Variants in ZNHIT6 observed in about 807,000 individuals in gnomAD.
The protein encoded by ZNHIT6 is zinc finger HIT-type containing 6.
ZNHIT6 carries 45 observed loss-of-function variants against 57.2 expected under a neutral mutation model. That is an observed-to-expected ratio of 0.79 (90% confidence interval 0.62 to 1.01). The LOEUF is 1.01. Among genes scored for constraint, ZNHIT6 ranks in the 50% least tolerant of loss-of-function variants. The pLI, the probability that ZNHIT6 is intolerant of heterozygous loss-of-function variation, is 0.00. For synonymous variants in ZNHIT6, 188 were observed against 190.0 expected, an observed-to-expected ratio of 0.99 and a Z score of 0.09; for missense variants, 528 against 567.3, an observed-to-expected ratio of 0.93 and a Z score of 0.70.
At chr1:85,655,019 C>T (rs1422405765) in intron 9 of ZNHIT6, among the ~76,000 whole-genome samples, 1 of 152,138 alleles carries the variant, frequency 6.6e-6, no homozygotes, top group Non-Finnish European at 1.5e-5. Context: ...TGCTGTTGTA[C>T]CTAGACTTCA....
intron 5 of ZNHIT6, among the ~76,000 whole-genome samples, chr1:85,691,969 G>C (rs1662234427): frequency 6.6e-6 from 1 of 151,422 alleles, no homozygotes; most frequent in Non-Finnish European, 1.5e-5. Context: ...AGGAGTTCAA[G>C]ACCAGCCTGG....
chr1:85,685,378 A>C (rs1661999330), intron 5 of ZNHIT6, among the ~76,000 whole-genome samples: 1 of 152,222 alleles, frequency 6.6e-6, no homozygotes, highest in Non-Finnish European at 1.5e-5. Flanking sequence ...AACTTTATGT[A>C]CTGATGTAGA....
At chr1:85,667,961 A>AAAAAAAAAAAAAATATATATATATAT in intron 8 of ZNHIT6, among the ~76,000 whole-genome samples, 1 of 18,202 alleles carries the variant, frequency 5.5e-5, no homozygotes, top group East Asian at 1.7e-3. Flanking sequence ...AAAAAAAAAA[A>AAAAAAAAAAAAAATATATATATATAT]ATATATATAT....
chr1:85,680,699 T>A, intron 6 of ZNHIT6, 137 bp downstream of exon 6: 1 of 557,592 alleles, frequency 1.8e-6, no homozygotes, highest in Non-Finnish European at 3.0e-6. Flanking sequence ...TCATTTTTAG[T>A]GATGTTTAGC....
chr1:85,674,111 A>T (rs1267743686), intron 8 of ZNHIT6, among the ~76,000 whole-genome samples: 4 of 152,164 alleles, frequency 2.6e-5, no homozygotes, highest in African/African-American at 7.2e-5. Context: ...CTCAAGGCTA[A>T]ACAGAATGGC....
chr1:85,658,555 G>A (rs2100647129), intron 8 of ZNHIT6, among the ~76,000 whole-genome samples: 1 of 150,218 alleles, frequency 6.7e-6, no homozygotes, highest in South Asian at 2.3e-4. Context: ...TTCATACCAA[G>A]AAATAGTTAA....
intron 4 of ZNHIT6, among the ~76,000 whole-genome samples, chr1:85,704,041 G>A (rs1662611919): frequency 6.6e-6 from 1 of 152,086 alleles, no homozygotes; most frequent in Non-Finnish European, 1.5e-5. Flanking sequence ...ATCTCATCAG[G>A]AATTAAAGAA....
Position 85,691,785 on chromosome 1 carries a change from C to A in ZNHIT6, c.1019+10372G>T, listed in dbSNP as rs553586727. On this transcript the variant is annotated intron_variant, in intron 5 of 9. Coordinates refer to ENST00000370574, the MANE Select transcript of ZNHIT6 (RefSeq NM_017953.4). Reference sequence around the variant, plus strand: ...CCTGTAGTCTCAGCTCCCTGAGAGGCGGACGCACAAGAATCATTTGAACCC... The same window carrying A: ...CCTGTAGTCTCAGCTCCCTGAGAGGAGGACGCACAAGAATCATTTGAACCC... Among the ~76,000 whole-genome samples, 3 of 152,108 alleles carry A rather than the reference C, an allele frequency of 2.0e-5. No homozygotes were observed. In the South Asian group the frequency reaches 6.2e-4, roughly 32 times the overall value.
At chr1:85,703,560 T>C (rs1570336825) in intron 4 of ZNHIT6, among the ~76,000 whole-genome samples, 1 of 152,138 alleles carries the variant, frequency 6.6e-6, no homozygotes, top group Admixed American at 6.5e-5. Flanking sequence ...TTCCAATAAA[T>C]GGTGCTGGGA....
intron 2 of ZNHIT6, 37 bp downstream of exon 2, chr1:85,706,405 C>T (rs1206387738): frequency 6.2e-7 from 1 of 1,613,392 alleles, no homozygotes; most frequent in African/African-American, 1.3e-5. Context: ...AAGAAAGGTA[C>T]AGATACAGGT....
intron 4 of ZNHIT6, among the ~76,000 whole-genome samples, chr1:85,703,296 C>A (rs1416133897): frequency 6.6e-6 from 1 of 152,122 alleles, no homozygotes; most frequent in Non-Finnish European, 1.5e-5. Flanking sequence ...TGGACCATCC[C>A]TTGCTTAGAT....
At chr1:85,706,003 G>GT in intron 4 of ZNHIT6, 75 bp downstream of exon 4, 1 of 1,179,954 alleles carries the variant, frequency 8.5e-7, no homozygotes, top group South Asian at 1.5e-5. Flanking sequence ...AATATATTTG[G>GT]TAAGTTAAAA....
At chr1:85,665,367 C>T (rs983022796) in intron 8 of ZNHIT6, among the ~76,000 whole-genome samples, 5 of 151,926 alleles carry the variant, frequency 3.3e-5, no homozygotes, top group Non-Finnish European at 5.9e-5. Context: ...TCAAATGATC[C>T]TCCTGCCTCA....
chr1:85,701,106 T>C (rs1281333151), intron 5 of ZNHIT6, among the ~76,000 whole-genome samples: 3 of 152,240 alleles, frequency 2.0e-5, no homozygotes, highest in Admixed American at 2.0e-4. Flanking sequence ...GAAAAACCAT[T>C]TTTACAAATG....
At chr1:85,657,030 T>C (rs1286095367) in intron 9 of ZNHIT6, among the ~76,000 whole-genome samples, 1 of 152,132 alleles carries the variant, frequency 6.6e-6, no homozygotes, top group East Asian at 1.9e-4. Context: ...ACCTGGCCTG[T>C]ATCTGTAATT....
In ZNHIT6 at chr1:85,660,572, G is replaced by A. The variant is rs1570283716; in HGVS notation, c.1248-2601C>T. ...GATATAAAATATGTTCCTAGCAGAG[G>A]AATGTTCAGAGGTACATAAAAATTA... On this transcript the variant is annotated intron_variant, in intron 8 of 9. Coordinates refer to ENST00000370574, the MANE Select transcript of ZNHIT6 (RefSeq NM_017953.4). Among the ~76,000 whole-genome samples the A allele has an allele frequency of 2.0e-5, 3 of 152,218 alleles. No homozygotes were observed. In the South Asian group the frequency reaches 6.2e-4, roughly 32 times the overall value.
chr1:85,674,674 T>A (rs1289095632), intron 8 of ZNHIT6, among the ~76,000 whole-genome samples: 1 of 152,222 alleles, frequency 6.6e-6, no homozygotes, highest in Non-Finnish European at 1.5e-5. Flanking sequence ...ATCTGTTTCA[T>A]CTTCTAAATT....
rs916994853 is a variant in ZNHIT6, at chr1:85,699,500, A to G, written c.1019+2657T>C. On this transcript the variant is annotated intron_variant, in intron 5 of 9. Coordinates refer to ENST00000370574, the MANE Select transcript of ZNHIT6 (RefSeq NM_017953.4). ...GTGGACATCTGGCAATGTCTTAACA[A>G]GAAATTAAAAATCCAAGAGCTCAAC... Among the ~76,000 whole-genome samples the G allele has an allele frequency of 3.3e-5, 5 of 152,258 alleles. No individual in the cohort carries two copies. The East Asian group carries it at 9.6e-4, about 29-fold the overall frequency.
In ZNHIT6 at chr1:85,653,037, A is replaced by G. The variant is rs994693734; in HGVS notation, c.*1021T>C. 1 of 152,182 alleles carries G rather than the reference A, an allele frequency of 6.6e-6. No homozygotes were observed. The highest frequency in any genetic ancestry group is 6.5e-5 in the Admixed American group (1 of 15,288). 9.4% of individuals were successfully genotyped at this position (152,182 alleles called of 1,614,324 possible). ...TCTTTAAGTTATTGCTAGACATATC[A>G]AAACACAGTATAAAACTGGTCATCA... On this transcript the variant is annotated 3_prime_UTR_variant, in exon 10 of 10. Coordinates refer to ENST00000370574, the MANE Select transcript of ZNHIT6 (RefSeq NM_017953.4).
Sources: allele counts gnomAD v4.1 joint callset (sites outside exome capture counted in the v4.1 genomes callset), GRCh38; gene constraint gnomAD v4.1.1; transcripts MANE v1.5; gene names NCBI Gene and HGNC (gene_info 2026-07-23, HGNC 2026-07-21).